Variants in CBFA2T2 observed in about 807,000 individuals in gnomAD.
CBFA2T2 encodes CBFA2/RUNX1 partner transcriptional co-repressor 2.
A neutral mutation model predicts 62.2 loss-of-function variants in CBFA2T2; 11 were observed. The ratio of observed to expected loss-of-function variants is 0.18; its 90% CI spans 0.11 to 0.29. The LOEUF (loss-of-function observed/expected upper bound fraction) is 0.29. Among genes scored for constraint, CBFA2T2 ranks in the 10% least tolerant of loss-of-function variants. The pLI is 1.00. For missense variants in CBFA2T2, 592 were observed against 774.1 expected (o/e 0.76, Z 2.79); for synonymous variants, 295 against 287.5 (o/e 1.03, Z -0.27).
chr20:33,490,236 AGGCGGGCGGCGCGC>A lies in CBFA2T2; in HGVS notation c.-26_-13del. The A allele has an allele frequency of 8.2e-7, 1 of 1,224,430 alleles. No homozygotes were observed. Among genetic ancestry groups the A allele is most frequent in the Non-Finnish European group, 1.0e-6 (1 of 983,956 alleles). 75.8% of individuals were successfully genotyped at this position (1,224,430 alleles called of 1,614,324 possible). On this transcript the variant is annotated 5_prime_UTR_variant, in exon 1 of 11. Transcript: ENST00000342704. ...TGCGAGGGACCCGTGTCGCGGGTAG[AGGCGGGCGGCGCGC>A]GGCGGCGGCGCTCGGCGATGGTAGG...
intron 1 of CBFA2T2, among the ~76,000 whole-genome samples, chr20:33,549,752 A>G (rs2012682317): frequency 6.6e-6 from 1 of 152,198 alleles, no homozygotes; most frequent in African/African-American, 2.4e-5. Flanking sequence ...ACTTATTTAA[A>G]ATGTTGGCAG....
intron 1 of CBFA2T2, among the ~76,000 whole-genome samples, chr20:33,579,554 C>CTTT (rs76190498): frequency 8.0e-6 from 1 of 125,354 alleles, no homozygotes. Context: ...CATCACGAAT[C>CTTT]TTTTTTTTTT....
Position 33,646,282 on chromosome 20 carries a change from G to A in CBFA2T2, c.*1636G>A, listed in dbSNP as rs574150764. The A allele has an allele frequency of 6.6e-6, 1 of 152,312 alleles. No individual in the cohort carries two copies. The highest frequency in any genetic ancestry group is 1.5e-5 in the Non-Finnish European group (1 of 68,148). 9.4% of individuals were successfully genotyped at this position (152,312 alleles called of 1,614,324 possible). A position where few individuals can be genotyped will look rare whatever the true frequency, so the allele number is the denominator to read the frequency against. ...CCCAAAGTGCAGGGATTACAAGCGT[G>A]AGCCACCATGCCCGGCCTGTCTTTT... On this transcript the variant is annotated 3_prime_UTR_variant, in exon 11 of 11. Transcript: ENST00000342704.
At chr20:33,552,169 A>C (rs1217599035) in intron 1 of CBFA2T2, among the ~76,000 whole-genome samples, 1 of 150,744 alleles carries the variant, frequency 6.6e-6, no homozygotes, top group Non-Finnish European at 1.5e-5. Flanking sequence ...AGTCTTTAAT[A>C]ACTAATAAAA....
chr20:33,629,817 G>C lies in CBFA2T2; in HGVS notation c.1131G>C (p.Trp377Cys), dbSNP rs752021065. 45 of 1,613,896 alleles carry C rather than the reference G, an allele frequency of 2.8e-5. No individual in the cohort carries two copies. Among genetic ancestry groups the C allele is most frequent in the Non-Finnish European group, 3.6e-5 (43 of 1,179,962 alleles). The change falls in exon 8 of 11, where the codon TGG becomes TGC. Residue 377 changes from tryptophan to cysteine, a missense_variant. This residue lies in a region of CBFA2T2 where 449 missense variants were observed against 551.2 expected (regional missense o/e 0.81). Transcript: ENST00000342704. ...CAGATCGTGAAGAACTCAACTACTG[G>C]AAAAGACGGTACAATGAAAACACAG... ...QESDREELNY[W>C]KRRYNENTEL...
At chr20:33,596,018 A>G (rs900452532) in intron 1 of CBFA2T2, among the ~76,000 whole-genome samples, 3 of 152,190 alleles carry the variant, frequency 2.0e-5, no homozygotes, top group African/African-American at 7.2e-5. Flanking sequence ...TTCTTCCACA[A>G]TAGCCTACCT....
intron 5 of CBFA2T2, among the ~76,000 whole-genome samples, chr20:33,624,314 C>G (rs749843346): frequency 6.6e-6 from 1 of 150,450 alleles, no homozygotes; most frequent in Non-Finnish European, 1.5e-5. Context: ...ACAATTGGAC[C>G]CACTGTTAAT....
chr20:33,597,746 T>G (rs1456361292), intron 1 of CBFA2T2, among the ~76,000 whole-genome samples: 6 of 152,182 alleles, frequency 3.9e-5, no homozygotes, highest in Non-Finnish European at 7.4e-5. Context: ...AGTTCTTCGG[T>G]AGGTACATGG....
intron 1 of CBFA2T2, among the ~76,000 whole-genome samples, chr20:33,593,479 G>A (rs2014754543): frequency 7.7e-6 from 1 of 129,780 alleles, no homozygotes; most frequent in Admixed American, 9.3e-5. Flanking sequence ...TGCAACCTTC[G>A]CCTCCTGGGT....
At chr20:33,510,544 A>G (rs192372456) in intron 1 of CBFA2T2, among the ~76,000 whole-genome samples, 252 of 152,256 alleles carry the variant, frequency 1.7e-3, no homozygotes, top group Non-Finnish European at 2.7e-3. Context: ...ATTGATGGAC[A>G]TTTGGGTTGG....
Position 33,636,680 on chromosome 20 carries a change from C to T in CBFA2T2, c.1269C>T (p.Tyr423=), listed in dbSNP as rs373957674. 4.3e-6 allele frequency: 7 copies of T among 1,612,932 alleles called. No individual in the cohort carries two copies. Among genetic ancestry groups the T allele is most frequent in the African/African-American group, 4.0e-5 (3 of 74,832 alleles). The change falls in exon 9 of 11, where the codon TAC becomes TAT. Residue 423 remains tyrosine, a synonymous_variant. Transcript: ENST00000342704. ...TCAACAGCAGGCCAGGTACAGGATA[C>T]GTACCTGTGGAGTTTTGGAAAAAAA... is the stretch of plus-strand genomic sequence containing the variant. The part of the protein sequence containing the change: ...REFNSRPGTG[Y]VPVEFWKKTE...
At chr20:33,587,339 T>TCA (rs1171907770) in intron 1 of CBFA2T2, among the ~76,000 whole-genome samples, 1 of 152,106 alleles carries the variant, frequency 6.6e-6, no homozygotes, top group Non-Finnish European at 1.5e-5. Context: ...CGATCTCGGC[T>TCA]CACTGCAACC....
chr20:33,500,663 C>T lies in CBFA2T2; in HGVS notation c.34+10362C>T, dbSNP rs377493589. 2.0e-4 allele frequency among the ~76,000 whole-genome samples: 30 copies of T among 152,124 alleles called. No homozygotes were observed. The East Asian group carries it at 2.3e-3, about 12-fold the overall frequency. ...GGCAGAGGTTGTAGTGAGCCAAGATCCTGCCACTACACTCCAGCCTGGGCG... is the reference window on the plus strand; with the variant it reads ...GGCAGAGGTTGTAGTGAGCCAAGATTCTGCCACTACACTCCAGCCTGGGCG... On this transcript the variant is annotated intron_variant, in intron 1 of 10. Transcript: ENST00000342704.
intron 1 of CBFA2T2, among the ~76,000 whole-genome samples, chr20:33,541,838 C>T (rs2012416847): frequency 6.6e-6 from 1 of 152,034 alleles, no homozygotes; most frequent in South Asian, 2.1e-4. Flanking sequence ...TACTATATTA[C>T]TGAAAGCAGG....
rs2016329947 is a variant in CBFA2T2 at position 33,628,403 on chromosome 20, G to A, written c.1000G>A (p.Glu334Lys). Residue 334 changes from glutamate to lysine, a missense_variant, in exon 7 of 11, where the codon GAA becomes AAA. Glu to Lys is a moderately conservative substitution (Grantham distance 56). Transcript: ENST00000342704. ...GGTAGATCATCGTTTGACAGAAAGG[G>A]AATGGGCTGATGAATGGAAACATCT... ...ELVDHRLTEREWADEWKHLDH... is the reference protein window; with the variant it reads ...ELVDHRLTERKWADEWKHLDH... 6.2e-7 allele frequency: 1 copy of A among 1,612,866 alleles called. No homozygotes were observed. The highest frequency in any genetic ancestry group is 8.5e-7 in the Non-Finnish European group (1 of 1,178,806).
rs865883485 is a variant in CBFA2T2, at chr20:33,606,974, T to A, written c.53T>A (p.Val18Glu). The A allele has an allele frequency of 1.9e-6, 3 of 1,613,778 alleles. No homozygotes were observed. Among genetic ancestry groups the A allele is most frequent in the East Asian group, 2.2e-5 (1 of 44,886 alleles). Reference protein sequence around the residue: ...AAFQLGPEKRVPAMPGSPVEV... With the variant: ...AAFQLGPEKREPAMPGSPVEV... ...TCTGCAGTTGGTCCTGAGAAAAGGG[T>A]GCCAGCGATGCCTGGATCGCCTGTG... is the stretch of plus-strand genomic sequence containing the variant. The change falls in exon 2 of 11, where the codon GTG (valine) becomes GAG (glutamate). Residue 18 changes from valine (V) to glutamate (E), a missense_variant. By Grantham distance (121) the Val-to-Glu change is moderately radical. Around this residue, in one of 3 missense-constraint regions of CBFA2T2, gnomAD observed 449 missense variants for 551.2 expected, o/e 0.81. Coordinates refer to ENST00000342704, the MANE Select transcript of CBFA2T2 (RefSeq NM_001032999.3).
intron 1 of CBFA2T2, among the ~76,000 whole-genome samples, chr20:33,562,899 T>C (rs995806657): frequency 6.6e-6 from 1 of 152,250 alleles, no homozygotes; most frequent in Admixed American, 6.5e-5. Flanking sequence ...ATGCAAGGTT[T>C]ACTTAATAAT....
At chr20:33,623,638 T>G (rs1043892457) in intron 5 of CBFA2T2, 4 of 636,808 alleles carry the variant, frequency 6.3e-6, no homozygotes, top group African/African-American at 5.5e-5. Context: ...CCCAGGCTGG[T>G]CTCAAACTTG....
At chr20:33,500,737 A>T (rs972267868) in intron 1 of CBFA2T2, among the ~76,000 whole-genome samples, 19 of 152,264 alleles carry the variant, frequency 1.2e-4, no homozygotes, top group Admixed American at 7.2e-4. Flanking sequence ...TTAAAAATTT[A>T]AAAAAGTCCA....
Sources: allele counts gnomAD v4.1 joint callset (sites outside exome capture counted in the v4.1 genomes callset), GRCh38; gene constraint gnomAD v4.1.1; regional missense constraint gnomAD v4.1.1; transcripts MANE v1.5; gene names NCBI Gene and HGNC (gene_info 2026-07-23, HGNC 2026-07-21).